AOAH: variants seen among roughly 807,000 people sequenced by gnomAD.
The protein encoded by AOAH is acyloxyacyl hydrolase, also known as acyloxyacyl hydrolase (neutrophil).
AOAH carries 64 observed loss-of-function variants against 92.2 expected under a neutral mutation model. The observed-to-expected ratio is 0.69, with a 90% CI of 0.57 to 0.86. AOAH has a LOEUF of 0.86. Among genes scored for constraint, AOAH ranks in the 40% least tolerant of loss-of-function variants. The pLI, the probability that AOAH is intolerant of heterozygous loss-of-function variation, is 0.00. For missense variants in AOAH, 656 were observed against 694.6 expected (o/e 0.94, Z 0.62); for synonymous variants, 263 against 254.5 (o/e 1.03, Z -0.32).
At chr7:36,687,077 G>A (rs764617569) in intron 1 of AOAH, among the ~76,000 whole-genome samples, 1 of 152,046 alleles carries the variant, frequency 6.6e-6, no homozygotes, top group Non-Finnish European at 1.5e-5. Context: ...CTACACATTC[G>A]CTTGGTAGAA....
In AOAH at chr7:36,530,439, T is replaced by A. The variant is rs779001546; in HGVS notation, c.1501A>T (p.Met501Leu). The change falls in exon 19 of 21, where the codon ATG becomes TTG. Residue 501 changes from methionine to leucine, a missense_variant. Physicochemically the swap from Met to Leu is conservative, Grantham distance 15. Transcript: ENST00000617537. ...EKFTNFNLFY[M>L]DFAFHEIIQE... The stretch of plus-strand genomic sequence containing the variant: ...TTACTTTCATGGAAGGCAAAATCCA[T>A]GTAGAAAAGATTGAAGTTTGTAAAT... The A allele has an allele frequency of 6.2e-7, 1 of 1,613,070 alleles. No individual in the cohort carries two copies. Among genetic ancestry groups the A allele is most frequent in the East Asian group, 2.2e-5 (1 of 44,878 alleles).
At position 36,716,970 on chromosome 7, in the gene AOAH, TAATAAATAAATA is replaced by T. The variant is rs200867596; in HGVS notation, c.127+7040_127+7051del. ...CACATGTACCCTAAAACTTAAAGTA[TAATAAATAAATA>T]AATAAATAAATAAATAAATAAATAA... On this transcript the variant is annotated intron_variant, in intron 1 of 20. Coordinates refer to ENST00000617537, the MANE Select transcript of AOAH (RefSeq NM_001637.4). Among the ~76,000 whole-genome samples the T allele has an allele frequency of 1.0e-2, 1,425 of 142,802 alleles. 10 individuals are homozygous for T. Among genetic ancestry groups the T allele is most frequent in the African/African-American group, 0.015 (566 of 38,632 alleles). 93.7% of individuals were successfully genotyped at this position (142,802 alleles called of 152,430 possible).
intron 13 of AOAH, among the ~76,000 whole-genome samples, chr7:36,571,229 C>T (rs2116586763): frequency 6.6e-6 from 1 of 152,274 alleles, no homozygotes; most frequent in East Asian, 1.9e-4. Context: ...AGTTCAGGGT[C>T]CACTTTTGCC....
intron 2 of AOAH, among the ~76,000 whole-genome samples, chr7:36,686,415 A>G (rs6462689): frequency 0.23 from 34,552 of 152,150 alleles, 4,337 homozygotes; most frequent in African/African-American, 0.34. Context: ...GCAAATTATT[A>G]TTAATGTAAC....
chr7:36,688,828 T>G (rs1254843762), intron 1 of AOAH, among the ~76,000 whole-genome samples: 1 of 150,724 alleles, frequency 6.6e-6, no homozygotes, highest in Non-Finnish European at 1.5e-5. Flanking sequence ...TTTATGTGTA[T>G]ATATACATAT....
chr7:36,664,668 G>T (rs1197261769), intron 3 of AOAH, among the ~76,000 whole-genome samples: 1 of 152,148 alleles, frequency 6.6e-6, no homozygotes, highest in Non-Finnish European at 1.5e-5. Context: ...CTGGGATTCA[G>T]ATTGATATTG....
intron 12 of AOAH, among the ~76,000 whole-genome samples, chr7:36,577,276 G>A (rs1045691029): frequency 1.3e-5 from 2 of 152,088 alleles, no homozygotes; most frequent in Non-Finnish European, 2.9e-5. Context: ...TTCTGGTAAC[G>A]CTTCTTAGGA....
chr7:36,720,799 C>CTCTGAGAGCAGGG (rs6150079), intron 1 of AOAH, among the ~76,000 whole-genome samples: 139,404 of 152,138 alleles, frequency 0.92, 64,065 homozygotes, highest in East Asian at 1. Flanking sequence ...TGTATCCCTG[C>CTCTGAGAGCAGGG]TCTCGCATAT....
At chr7:36,681,092 A>G (rs747126899) in intron 2 of AOAH, among the ~76,000 whole-genome samples, 11 of 152,228 alleles carry the variant, frequency 7.2e-5, no homozygotes, top group Non-Finnish European at 1.0e-4. Context: ...AAAAGAGAAC[A>G]TCTAACTTGA....
At chr7:36,600,334 G>T (rs903934973) in intron 11 of AOAH, among the ~76,000 whole-genome samples, 2 of 152,176 alleles carry the variant, frequency 1.3e-5, no homozygotes, top group African/African-American at 4.8e-5. Flanking sequence ...CAAATTAAAT[G>T]ACCAACCCTT....
intron 20 of AOAH, among the ~76,000 whole-genome samples, chr7:36,517,188 TTCTTTCTTTCTTTCTTTCTTTCTTTC>T (rs1422989364): frequency 3.1e-5 from 2 of 64,558 alleles, no homozygotes; most frequent in African/African-American, 5.4e-5. Context: ...CTTTCTTTCT[TTCTTTCTTTCTTTCTTTCTTTCTTTC>T]TCTTTCTTTC....
intron 19 of AOAH, among the ~76,000 whole-genome samples, chr7:36,529,434 A>G (rs1748704845): frequency 6.6e-6 from 1 of 152,220 alleles, no homozygotes; most frequent in Non-Finnish European, 1.5e-5. Flanking sequence ...TGTATCACCT[A>G]GGCAGGAAAT....
chr7:36,634,999 T>G (rs1424023193), intron 5 of AOAH, among the ~76,000 whole-genome samples: 1 of 152,176 alleles, frequency 6.6e-6, no homozygotes, highest in East Asian at 1.9e-4. Flanking sequence ...CTGGTTAGAC[T>G]GAGGTTTTGA....
chr7:36,607,554 C>T (rs1371981630), intron 11 of AOAH, among the ~76,000 whole-genome samples: 1 of 152,186 alleles, frequency 6.6e-6, no homozygotes, highest in African/African-American at 2.4e-5. Flanking sequence ...ATCCCTTGCC[C>T]TGGAAGAAAA....
intron 1 of AOAH, among the ~76,000 whole-genome samples, chr7:36,709,838 T>TA (rs1485141683): frequency 6.6e-6 from 1 of 152,044 alleles, no homozygotes; most frequent in Admixed American, 6.6e-5. Flanking sequence ...AGCTTGCATA[T>TA]AAAAAACGAA....
chr7:36,613,631 C>T (rs1330791650), intron 11 of AOAH, among the ~76,000 whole-genome samples: 1 of 152,178 alleles, frequency 6.6e-6, no homozygotes, highest in Non-Finnish European at 1.5e-5. Context: ...CCAGAATTTC[C>T]CCAGCTGCCT....
intron 16 of AOAH, among the ~76,000 whole-genome samples, chr7:36,538,679 G>A (rs1164338277): frequency 1.3e-5 from 2 of 152,166 alleles, no homozygotes; most frequent in East Asian, 1.9e-4. Flanking sequence ...TTCATATCCC[G>A]TGGTTCAAAG....
chr7:36,647,837 C>CT (rs200177551), intron 4 of AOAH, among the ~76,000 whole-genome samples: 31,402 of 145,200 alleles, frequency 0.22, 4,007 homozygotes, highest in African/African-American at 0.37. Context: ...CCTTAGAGTT[C>CT]TTTTTTTTTT....
intron 12 of AOAH, among the ~76,000 whole-genome samples, chr7:36,582,857 T>C (rs541075811): frequency 1.3e-5 from 2 of 151,758 alleles, no homozygotes; most frequent in African/African-American, 4.8e-5. Flanking sequence ...TGTCTTTTTT[T>C]TTTTTGAGAC....
Sources: allele counts gnomAD v4.1 joint callset (sites outside exome capture counted in the v4.1 genomes callset), GRCh38; gene constraint gnomAD v4.1.1; transcripts MANE v1.5; gene names NCBI Gene and HGNC (gene_info 2026-07-23, HGNC 2026-07-21).